Variants in PPDPFL observed in about 807,000 individuals in gnomAD.
The protein encoded by PPDPFL is pancreatic progenitor cell differentiation and proliferation factor like.
In PPDPFL, 12 loss-of-function variants were observed where a neutral mutation model predicts 12.6. The observed-to-expected ratio is 0.95, with a 90% CI of 0.61 to 1.54. PPDPFL has a LOEUF of 1.54. Ranked by LOEUF, PPDPFL falls within the 40% of genes most tolerant of loss-of-function variation. The pLI is 0.00. For missense variants in PPDPFL, 114 were observed against 96.0 expected (o/e 1.19, Z -0.78); for synonymous variants, 24 against 32.7 (o/e 0.73, Z 0.91).
intron 1 of PPDPFL, among the ~76,000 whole-genome samples, chr8:49,058,426 G>T (rs1808144875): frequency 6.6e-6 from 1 of 152,156 alleles, no homozygotes; most frequent in Non-Finnish European, 1.5e-5. Context: ...TACCAAGCGG[G>T]AAACTGAATC....
upstream of PPDPFL, among the ~76,000 whole-genome samples, chr8:49,070,175 A>G (rs1414198015): frequency 6.6e-6 from 1 of 152,204 alleles, no homozygotes; most frequent in Non-Finnish European, 1.5e-5. Context: ...TCTCACGTAA[A>G]AGTGGGAGTT....
chr8:49,064,086 A>C (rs1049366382), intron 1 of PPDPFL, among the ~76,000 whole-genome samples: 3 of 152,146 alleles, frequency 2.0e-5, no homozygotes, highest in African/African-American at 7.2e-5. Context: ...ATGTTGCTCT[A>C]AACTAGCCAG....
chr8:49,071,035 C>T (rs1479659089), upstream of PPDPFL, among the ~76,000 whole-genome samples: 3 of 152,104 alleles, frequency 2.0e-5, no homozygotes, highest in Non-Finnish European at 2.9e-5. Flanking sequence ...CTCCTGACTC[C>T]CCGATCTCCC....
At chr8:49,054,662 C>T (rs1175972328) in intron 1 of PPDPFL, among the ~76,000 whole-genome samples, 12 of 151,504 alleles carry the variant, frequency 7.9e-5, no homozygotes, top group South Asian at 2.1e-4. Flanking sequence ...TGTGTTTGTC[C>T]GTGTGTGTGT....
At chr8:49,068,208 C>A (rs1488596263), upstream of PPDPFL, among the ~76,000 whole-genome samples, 1 of 152,206 alleles carries the variant, frequency 6.6e-6, no homozygotes, top group Non-Finnish European at 1.5e-5. Flanking sequence ...GTACCTCCAT[C>A]TTTGACCTGC....
rs1262929259 is a variant in PPDPFL at position 49,074,712 on chromosome 8, C to T, written c.233+379C>T. On this transcript the variant is annotated intron_variant, in intron 4 of 4. Coordinates refer to ENST00000522267, the MANE Select transcript of PPDPFL (RefSeq NM_001256597.2). The stretch of plus-strand genomic sequence containing the variant: ...CTTAAATAACCTTAGGATAACACTG[C>T]TGATTTTGATTAGCTTCTGTGTGGT... 3.0e-5 allele frequency: 44 copies of T among 1,459,444 alleles called. No individual in the cohort carries two copies. The Admixed American group carries it at 4.5e-4, about 15-fold the overall frequency. 90.4% of individuals were successfully genotyped at this position (1,459,444 alleles called of 1,614,324 possible).
upstream of PPDPFL, among the ~76,000 whole-genome samples, chr8:49,071,234 A>G (rs1171605794): frequency 6.6e-6 from 1 of 152,238 alleles, no homozygotes; most frequent in Non-Finnish European, 1.5e-5. Flanking sequence ...TTAGCAATGT[A>G]TACGCTACAA....
chr8:49,074,627 G>T lies in PPDPFL; in HGVS notation c.233+294G>T. The T allele has an allele frequency of 1.0e-5, 16 of 1,534,398 alleles. 2 individuals are homozygous for T. In the South Asian group the frequency reaches 1.9e-4, roughly 18 times the overall value. ...GGGATGGACTGAGAATCAGAGGAAA[G>T]GGTCTAAATTTGTTTTGCTCATACC... is the stretch of plus-strand genomic sequence containing the variant. On this transcript the variant is annotated intron_variant, in intron 4 of 4. Coordinates refer to ENST00000522267, the MANE Select transcript of PPDPFL (RefSeq NM_001256597.2).
intron 1 of PPDPFL, among the ~76,000 whole-genome samples, chr8:49,058,439 T>C (rs929994646): frequency 1.3e-5 from 2 of 152,220 alleles, no homozygotes; most frequent in Admixed American, 6.5e-5. Context: ...ACTGAATCAA[T>C]GCATGTGCCA....
At chr8:49,055,938 A>G (rs911937081) in intron 1 of PPDPFL, among the ~76,000 whole-genome samples, 8 of 152,234 alleles carry the variant, frequency 5.3e-5, no homozygotes, top group Admixed American at 5.2e-4. Context: ...CATGTGTTCA[A>G]TCTTTTGTTA....
Position 49,074,310 on chromosome 8 carries a change from A to G in PPDPFL, c.210A>G (p.Arg70=), listed in dbSNP as rs778579098. 71 of 1,613,882 alleles carry G rather than the reference A, an allele frequency of 4.4e-5. No individual in the cohort carries two copies. Among genetic ancestry groups the G allele is most frequent in the Non-Finnish European group, 5.8e-5 (68 of 1,179,874 alleles). ...CTGAACCTGTGCTTTCAAATGTGAG[A>G]ATAAAAGATCTGTCTGCTACTGGGT... is the stretch of plus-strand genomic sequence containing the variant. The part of the protein sequence containing the change: ...FHSEPVLSNV[R]IKDLSATGLQ... The change falls in exon 4 of 5, where the codon AGA becomes AGG. Residue 70 remains arginine (R), a synonymous_variant. Transcript: ENST00000522267.
chr8:49,065,895 A>C (rs748391389), intron 1 of PPDPFL, among the ~76,000 whole-genome samples: 1 of 152,234 alleles, frequency 6.6e-6, no homozygotes, highest in Non-Finnish European at 1.5e-5. Context: ...GTCAGAGTGC[A>C]AGCTAATCTC....
At chr8:49,073,990 A>G in intron 2 of PPDPFL, 69 bp from the exon 3 acceptor site, 1 of 1,023,892 alleles carries the variant, frequency 9.8e-7, no homozygotes, top group East Asian at 2.4e-5. Flanking sequence ...CAGTTTGTAT[A>G]TAAATGATGC....
Position 49,074,319 on chromosome 8 carries a change from T to C in PPDPFL, c.219T>C (p.Asp73=), listed in dbSNP as rs370825990. Residue 73 remains aspartate, a synonymous_variant, in exon 4 of 5, where the codon GAT becomes GAC. Transcript: ENST00000522267. ...TGCTTTCAAATGTGAGAATAAAAGA[T>C]CTGTCTGCTACTGGGTGAGTTTTAG... ...EPVLSNVRIK[D]LSATGLQMST... 8.2e-5 allele frequency: 133 copies of C among 1,613,792 alleles called. No individual in the cohort carries two copies. Among genetic ancestry groups the C allele is most frequent in the Non-Finnish European group, 1.1e-4 (126 of 1,179,782 alleles).
intron 1 of PPDPFL, among the ~76,000 whole-genome samples, chr8:49,067,324 G>A (rs558446643): frequency 1.3e-5 from 2 of 152,172 alleles, no homozygotes; most frequent in Non-Finnish European, 2.9e-5. Flanking sequence ...ATATTCATTT[G>A]CAGCATTAGT....
intron 1 of PPDPFL, among the ~76,000 whole-genome samples, chr8:49,064,252 C>A (rs761929148): frequency 1.3e-5 from 2 of 152,118 alleles, no homozygotes; most frequent in African/African-American, 2.4e-5. Flanking sequence ...AGATGTGTGA[C>A]CAGTGGTACA....
intron 1 of PPDPFL, among the ~76,000 whole-genome samples, chr8:49,062,503 C>G (rs913002905): frequency 2.0e-5 from 3 of 152,078 alleles, no homozygotes; most frequent in African/African-American, 7.2e-5. Context: ...TGAAAAAGAG[C>G]ACATTGGAGA....
intron 1 of PPDPFL, among the ~76,000 whole-genome samples, chr8:49,058,972 G>T (rs1433239373): frequency 6.6e-6 from 1 of 152,166 alleles, no homozygotes; most frequent in South Asian, 2.1e-4. Context: ...CTAGTGCTTG[G>T]AACAGTATAT....
intron 1 of PPDPFL, among the ~76,000 whole-genome samples, chr8:49,067,215 A>G (rs574476147): frequency 3.9e-5 from 6 of 152,256 alleles, no homozygotes; most frequent in Non-Finnish European, 7.3e-5. Flanking sequence ...GCCCAGAGAT[A>G]GTCAATAACT....
Sources: gnomAD v4.1 joint callset for allele counts (sites outside exome capture counted in the v4.1 genomes callset) on GRCh38, gnomAD v4.1.1 for gene constraint, MANE v1.5 for transcripts, NCBI Gene and HGNC (gene_info 2026-07-23, HGNC 2026-07-21) for gene names.